The following FAF1 variants were observed in gnomAD, a reference collection of about 807,000 sequenced individuals.
FAF1 encodes the protein Fas associated factor 1.
FAF1 carries 25 observed loss-of-function variants against 92.5 expected under a neutral mutation model. The observed-to-expected ratio is 0.27, with a 90% CI of 0.20 to 0.38. The LOEUF (loss-of-function observed/expected upper bound fraction) is 0.38. FAF1 is among the 10% of genes least tolerant of loss of function. The probability of loss-of-function intolerance (pLI) is 1.00; values close to 1 mark genes in which losing one functional copy is unlikely to be tolerated. For missense variants in FAF1, 636 were observed against 793.3 expected (o/e 0.80, Z 2.38); for synonymous variants, 234 against 273.2 (o/e 0.86, Z 1.42).
intron 6 of FAF1, among the ~76,000 whole-genome samples, chr1:50,709,439 T>C (rs1657824947): frequency 1.3e-5 from 2 of 152,236 alleles, no homozygotes; most frequent in African/African-American, 4.8e-5. Flanking sequence ...TCAATTCAAC[T>C]GTATAAAGAT....
chr1:50,438,572 A>C lies in FAF1; in HGVS notation c.*2868T>G, dbSNP rs1646145565. ...AGGACTGGATGGCTAAGGGACAGAA[A>C]AGGATGGGTAGAAATGTGTCAATCA... On this transcript the variant is annotated 3_prime_UTR_variant, in exon 19 of 19. Coordinates refer to ENST00000396153, the MANE Select transcript of FAF1 (RefSeq NM_007051.3). The C allele has an allele frequency of 6.6e-6, 1 of 152,236 alleles. No individual in the cohort carries two copies. The highest frequency in any genetic ancestry group is 2.4e-5 in the African/African-American group (1 of 41,450). The allele number at this position is 152,236 out of a possible 1,614,324, so 9.4% of individuals were successfully genotyped here.
chr1:50,691,854 G>C (rs1203156404), intron 7 of FAF1, among the ~76,000 whole-genome samples: 2 of 152,188 alleles, frequency 1.3e-5, no homozygotes, highest in Non-Finnish European at 2.9e-5. Context: ...AATAATAATT[G>C]TGTATATTTA....
intron 1 of FAF1, among the ~76,000 whole-genome samples, chr1:50,924,227 G>A (rs1169982403): frequency 6.7e-6 from 1 of 148,814 alleles, no homozygotes; most frequent in Non-Finnish European, 1.5e-5. Flanking sequence ...GAAGTTGCAA[G>A]ACACAAAATA....
chr1:50,566,516 CT>C (rs2149056028), intron 13 of FAF1, among the ~76,000 whole-genome samples: 1 of 152,140 alleles, frequency 6.6e-6, no homozygotes, highest in South Asian at 2.1e-4. Flanking sequence ...GATTAACAAA[CT>C]AAGTAAACTC....
rs144612283 is a variant in FAF1, at chr1:50,887,052, C to T, written c.46-29055G>A. ...CTCTCCAGCACCTGCAGTTTCCTGA[C>T]GTTTTTAATGATCGCCATTCTAACT... On this transcript the variant is annotated intron_variant, in intron 1 of 18. Coordinates refer to ENST00000396153, the MANE Select transcript of FAF1 (RefSeq NM_007051.3). Among the ~76,000 whole-genome samples the T allele has an allele frequency of 3.8e-3, 571 of 152,248 alleles. 3 individuals carry two copies. The highest frequency in any genetic ancestry group is 5.6e-3 in the Non-Finnish European group (383 of 68,008).
chr1:50,817,799 A>G (rs1398675623), intron 2 of FAF1, among the ~76,000 whole-genome samples: 1 of 152,222 alleles, frequency 6.6e-6, no homozygotes, highest in Non-Finnish European at 1.5e-5. Flanking sequence ...ATATTTAAAG[A>G]GTACAATTTA....
At chr1:50,957,374 CAGAGT>C (rs1645276521) in intron 1 of FAF1, among the ~76,000 whole-genome samples, 1 of 52,128 alleles carries the variant, frequency 1.9e-5, no homozygotes, top group Non-Finnish European at 4.0e-5. Context: ...TTTTTTGAGA[CAGAGT>C]CTCGCTCTGT....
intron 2 of FAF1, chr1:50,846,553 G>C: frequency 1.9e-6 from 1 of 515,830 alleles, no homozygotes; most frequent in East Asian, 5.1e-5. Flanking sequence ...TAGAGGTTCT[G>C]ATGGAAAAAG....
chr1:50,864,152 C>A (rs1178365335), intron 1 of FAF1, among the ~76,000 whole-genome samples: 291 of 150,970 alleles, frequency 1.9e-3, no homozygotes, highest in Non-Finnish European at 3.5e-3. Context: ...TTCAAAAAAC[C>A]AGCTCCTGGA....
chr1:50,828,869 C>G (rs915005040), intron 2 of FAF1, among the ~76,000 whole-genome samples: 2 of 152,054 alleles, frequency 1.3e-5, no homozygotes, highest in Non-Finnish European at 2.9e-5. Flanking sequence ...GGCAAAAACA[C>G]AAGCCACAGA....
intron 18 of FAF1, among the ~76,000 whole-genome samples, chr1:50,449,338 C>T (rs1646266711): frequency 6.6e-6 from 1 of 152,148 alleles, no homozygotes; most frequent in South Asian, 2.1e-4. Flanking sequence ...CGCAGGTCCT[C>T]TCCTTTCAAA....
intron 2 of FAF1, among the ~76,000 whole-genome samples, chr1:50,815,839 C>A (rs1643966443): frequency 6.6e-6 from 1 of 152,048 alleles, no homozygotes; most frequent in Non-Finnish European, 1.5e-5. Flanking sequence ...GCCTGGCCAA[C>A]ATGGTGAAAC....
chr1:50,948,836 A>G (rs929390281), intron 1 of FAF1, among the ~76,000 whole-genome samples: 2 of 152,090 alleles, frequency 1.3e-5, no homozygotes, highest in African/African-American at 4.8e-5. Flanking sequence ...CTAGACTCTT[A>G]AACAATCAGA....
intron 14 of FAF1, among the ~76,000 whole-genome samples, chr1:50,535,675 T>C (rs1572815705): frequency 1.3e-5 from 2 of 152,304 alleles, no homozygotes; most frequent in East Asian, 1.9e-4. Context: ...TCGGAAGTTA[T>C]ATTTGAGGGA....
intron 13 of FAF1, among the ~76,000 whole-genome samples, chr1:50,559,417 A>G (rs578222777): frequency 7.9e-5 from 12 of 152,260 alleles, no homozygotes; most frequent in Admixed American, 5.9e-4. Context: ...ACTATTCACA[A>G]GTGTACCCTT....
At chr1:50,781,803 C>T (rs1661189852) in intron 4 of FAF1, among the ~76,000 whole-genome samples, 1 of 152,144 alleles carries the variant, frequency 6.6e-6, no homozygotes, top group Non-Finnish European at 1.5e-5. Flanking sequence ...AAGTGTCCTT[C>T]GCAACCAAAA....
At chr1:50,879,256 AAATGAATG>A (rs57298510) in intron 1 of FAF1, among the ~76,000 whole-genome samples, 15 of 151,188 alleles carry the variant, frequency 9.9e-5, no homozygotes, top group East Asian at 5.8e-4. Context: ...AAAAATAAAC[AAATGAATG>A]AATGAATGAA....
At chr1:50,485,686 A>AAC (rs1225759401) in intron 17 of FAF1, among the ~76,000 whole-genome samples, 1 of 150,254 alleles carries the variant, frequency 6.7e-6, no homozygotes, top group African/African-American at 2.4e-5. Context: ...AAAAAAAAAA[A>AAC]AAAAAAAAAA....
At chr1:50,850,218 C>T (rs1644336757) in intron 2 of FAF1, among the ~76,000 whole-genome samples, 1 of 151,758 alleles carries the variant, frequency 6.6e-6, no homozygotes, top group Non-Finnish European at 1.5e-5. Flanking sequence ...GGTAGAAATA[C>T]ATACGGCATG....
Sources: allele counts gnomAD v4.1 joint callset (sites outside exome capture counted in the v4.1 genomes callset), GRCh38; gene constraint gnomAD v4.1.1; transcripts MANE v1.5; gene names NCBI Gene and HGNC (gene_info 2026-07-23, HGNC 2026-07-21).